The following NPAS3 variants were observed in gnomAD, a reference collection of about 807,000 sequenced individuals.
The protein encoded by NPAS3 is neuronal PAS domain-containing protein 3.
NPAS3 carries 14 observed loss-of-function variants against 73.1 expected under a neutral mutation model. The ratio of observed to expected loss-of-function variants is 0.19; its 90% CI spans 0.13 to 0.30. The LOEUF (loss-of-function observed/expected upper bound fraction) is 0.30. NPAS3 is among the 10% of genes least tolerant of loss of function. The pLI is 1.00. For synonymous variants in NPAS3, 620 were observed against 541.5 expected (o/e 1.14, Z -2.01); for missense variants, 1,096 against 1,250.0 (o/e 0.88, Z 1.86).
rs574985834 is a variant in NPAS3 at position 33,696,281 on chromosome 14, G to T, written c.733+19896G>T. The stretch of plus-strand genomic sequence containing the variant: ...TGAGACAATAGTGGTGGCACAAAAA[G>T]AACCCTGGACTAGAAAAGTAACCCG... On this transcript the variant is annotated intron_variant, in intron 6 of 11. Transcript: ENST00000356141. Among the ~76,000 whole-genome samples the T allele has an allele frequency of 1.1e-3, 173 of 152,276 alleles. 1 individual carries two copies. Among genetic ancestry groups the T allele is most frequent in the African/African-American group, 4.0e-3 (167 of 41,572 alleles).
intron 5 of NPAS3, among the ~76,000 whole-genome samples, chr14:33,657,219 G>A (rs1452067979): frequency 1.3e-5 from 2 of 152,166 alleles, no homozygotes; most frequent in African/African-American, 4.8e-5. Context: ...ACTGTAACAA[G>A]CCCCTAAAGT....
intron 4 of NPAS3, among the ~76,000 whole-genome samples, chr14:33,403,561 G>A (rs1308457319): frequency 6.6e-6 from 1 of 152,096 alleles, no homozygotes. Flanking sequence ...TACATGTGGG[G>A]TTGGTCATTT....
chr14:33,001,845 G>A (rs2038818679), intron 1 of NPAS3, among the ~76,000 whole-genome samples: 1 of 152,092 alleles, frequency 6.6e-6, no homozygotes, highest in African/African-American at 2.4e-5. Flanking sequence ...TTTTGTGTGA[G>A]AATGAATTCC....
chr14:33,140,130 G>C (rs1191775883), intron 2 of NPAS3, among the ~76,000 whole-genome samples: 1 of 152,040 alleles, frequency 6.6e-6, no homozygotes, highest in Non-Finnish European at 1.5e-5. Context: ...CTCTTTGGTG[G>C]TGTGGTTCAG....
At chr14:33,669,659 G>A (rs144609086) in intron 5 of NPAS3, among the ~76,000 whole-genome samples, 71 of 152,218 alleles carry the variant, frequency 4.7e-4, no homozygotes, top group Middle Eastern at 3.4e-3. Context: ...TTATACACAC[G>A]CTATTTCTAG....
chr14:33,342,170 C>G (rs781538854), intron 3 of NPAS3, among the ~76,000 whole-genome samples: 4 of 152,100 alleles, frequency 2.6e-5, no homozygotes, highest in Admixed American at 6.5e-5. Context: ...GGTTGTAGGA[C>G]AGAAGAAAAA....
intron 1 of NPAS3, among the ~76,000 whole-genome samples, chr14:32,968,767 T>A (rs1215216114): frequency 7.8e-5 from 4 of 51,108 alleles, no homozygotes; most frequent in South Asian, 1.1e-3. Flanking sequence ...GCCACTACTT[T>A]CTTTCTTTTT....
At chr14:33,080,523 C>T (rs1482554680) in intron 2 of NPAS3, among the ~76,000 whole-genome samples, 1 of 152,162 alleles carries the variant, frequency 6.6e-6, no homozygotes, top group African/African-American at 2.4e-5. Context: ...ACCATTACCA[C>T]TAATAAGAAT....
chr14:33,631,305 A>G (rs930559217), intron 5 of NPAS3, among the ~76,000 whole-genome samples: 3 of 152,200 alleles, frequency 2.0e-5, no homozygotes, highest in South Asian at 2.1e-4. Flanking sequence ...CAAGAATAGA[A>G]CTATGGAAAA....
chr14:33,529,877 G>A (rs1182868652), intron 4 of NPAS3, among the ~76,000 whole-genome samples: 1 of 152,046 alleles, frequency 6.6e-6, no homozygotes, highest in Non-Finnish European at 1.5e-5. Context: ...ATTACCAAGC[G>A]GCAGCATGTT....
At chr14:33,656,517 G>C (rs1021104168) in intron 5 of NPAS3, among the ~76,000 whole-genome samples, 2 of 152,098 alleles carry the variant, frequency 1.3e-5, no homozygotes, top group African/African-American at 4.8e-5. Context: ...TTCAACCAAA[G>C]CAATGTCTGA....
intron 4 of NPAS3, among the ~76,000 whole-genome samples, chr14:33,369,168 C>A (rs992413333): frequency 2.6e-5 from 4 of 151,972 alleles, no homozygotes; most frequent in Non-Finnish European, 5.9e-5. Flanking sequence ...TAGAATGGGG[C>A]TGCAAGCTCG....
At chr14:33,692,399 A>G (rs2060258291) in intron 6 of NPAS3, among the ~76,000 whole-genome samples, 1 of 152,126 alleles carries the variant, frequency 6.6e-6, no homozygotes, top group Admixed American at 6.6e-5. Flanking sequence ...AATTTTGGAT[A>G]CCAAAAGAGG....
intron 3 of NPAS3, among the ~76,000 whole-genome samples, chr14:33,356,252 G>C (rs536526428): frequency 6.6e-6 from 1 of 152,218 alleles, no homozygotes; most frequent in African/African-American, 2.4e-5. Context: ...GGCTAGTGGC[G>C]AAGTCCGTTC....
intron 1 of NPAS3, among the ~76,000 whole-genome samples, chr14:32,950,454 A>G (rs1327106623): frequency 1.3e-5 from 2 of 152,136 alleles, no homozygotes; most frequent in African/African-American, 4.8e-5. Context: ...GGTTTCATCC[A>G]TAGGGTTTAA....
intron 1 of NPAS3, among the ~76,000 whole-genome samples, chr14:33,047,073 G>T (rs531293137): frequency 6.6e-6 from 1 of 152,230 alleles, no homozygotes; most frequent in East Asian, 1.9e-4. Flanking sequence ...TAAGATGAGA[G>T]CTGACTATAC....
chr14:33,437,742 A>G (rs761089699), intron 4 of NPAS3, among the ~76,000 whole-genome samples: 11 of 152,216 alleles, frequency 7.2e-5, no homozygotes, highest in Non-Finnish European at 1.6e-4. Context: ...TGTCAAATCG[A>G]CATTATGGAC....
At chr14:33,233,595 A>G (rs2047930069) in intron 3 of NPAS3, among the ~76,000 whole-genome samples, 1 of 152,196 alleles carries the variant, frequency 6.6e-6, no homozygotes, top group Non-Finnish European at 1.5e-5. Context: ...GCAAAAGTAG[A>G]TAAATAAACA....
chr14:33,684,079 G>T (rs2060017334), intron 6 of NPAS3, among the ~76,000 whole-genome samples: 1 of 152,136 alleles, frequency 6.6e-6, no homozygotes, highest in Non-Finnish European at 1.5e-5. Flanking sequence ...TAGGGTTGCA[G>T]CAGGTGGGAA....
Sources: gnomAD v4.1 joint callset for allele counts (sites outside exome capture counted in the v4.1 genomes callset) on GRCh38, gnomAD v4.1.1 for gene constraint, MANE v1.5 for transcripts, NCBI Gene and HGNC (gene_info 2026-07-23, HGNC 2026-07-21) for gene names.